DST: variants seen among roughly 807,000 people sequenced by gnomAD.
DST encodes dystonin, also known as bullous pemphigoid antigen.
DST carries 253 observed loss-of-function variants against 875.2 expected under a neutral mutation model. The observed-to-expected ratio is 0.29, with a 90% CI of 0.26 to 0.32. The LOEUF (loss-of-function observed/expected upper bound fraction) is 0.32. Among genes scored for constraint, DST ranks in the 10% least tolerant of loss-of-function variants. The probability of loss-of-function intolerance (pLI) is 1.00; values close to 1 mark genes in which losing one functional copy is unlikely to be tolerated. For missense variants in DST, 8,287 were observed against 9,111.6 expected (o/e 0.91, Z 3.68); for synonymous variants, 3,124 against 3,197.1 (o/e 0.98, Z 0.77).
intron 90 of DST, 150 bp downstream of exon 90, chr6:56,481,900 G>A (rs1582693661): frequency 4.9e-6 from 4 of 820,940 alleles, no homozygotes; most frequent in Non-Finnish European, 1.9e-6. Flanking sequence ...TGTAAGCAAT[G>A]TGGACAGAAG....
intron 1 of DST, 45 bp from the exon 2 acceptor site, chr6:56,953,864 C>T: frequency 7.8e-7 from 1 of 1,280,022 alleles, no homozygotes; most frequent in South Asian, 1.3e-5. Context: ...ACTCCTTGTT[C>T]TTCACCTACC....
intron 2 of DST, among the ~76,000 whole-genome samples, chr6:56,946,699 TTAAGGAGCTATTACTTGA>T (rs1819657749): frequency 6.6e-6 from 1 of 152,124 alleles, no homozygotes; most frequent in Admixed American, 6.6e-5. Context: ...TGCAATAAGT[TTAAGGAGCTATTACTTGA>T]TACATTAATT....
At position 56,572,964 on chromosome 6, in the gene DST, G is replaced by T. The variant is rs1354355929; in HGVS notation, c.13337C>A (p.Ser4446Ter). Residue 4446 changes from serine (S) to a stop codon, truncating the protein, a stop_gained, in exon 52 of 104, where the codon TCA (serine) becomes TAA (stop). Transcript: ENST00000680361. LOFTEE classifies it high-confidence loss of function. ...METTDPSTASSLQAKMKDLSA... is the reference protein window; with the variant it reads ...METTDPSTAS ...CAAGTCTTTCATTTTGGCTTGCAGTGAGGATGCAGTGGATGGATCTGTTGT... is the reference window on the plus strand; with the variant it reads ...CAAGTCTTTCATTTTGGCTTGCAGTTAGGATGCAGTGGATGGATCTGTTGT... 6.2e-7 allele frequency: 1 copy of T among 1,612,336 alleles called. No individual in the cohort carries two copies. The highest frequency in any genetic ancestry group is 8.5e-7 in the Non-Finnish European group (1 of 1,179,222).
chr6:56,707,504 C>T (rs545266173), intron 5 of DST, among the ~76,000 whole-genome samples: 1 of 152,288 alleles, frequency 6.6e-6, no homozygotes, highest in South Asian at 2.1e-4. Context: ...ATCCTCAGTA[C>T]ACAGAAGGAC....
chr6:56,537,063 T>A, intron 61 of DST, 123 bp from the exon 62 acceptor site: 2 of 817,520 alleles, frequency 2.4e-6, no homozygotes, highest in South Asian at 4.2e-5. Context: ...TAAAGATAAT[T>A]TTTATTGTCT....
chr6:56,497,870 C>T lies in DST; in HGVS notation c.20080G>A (p.Gly6694Ser), dbSNP rs745406625. The T allele has an allele frequency of 6.2e-7, 1 of 1,609,304 alleles. No individual in the cohort carries two copies. The highest frequency in any genetic ancestry group is 1.1e-5 in the South Asian group (1 of 90,252). The change falls in exon 81 of 104, where the codon GGT (glycine) becomes AGT (serine). Residue 6694 changes from glycine (G) to serine (S), a missense_variant. Gly to Ser is a moderately conservative substitution (Grantham distance 56). Around this residue, in one of 10 missense-constraint regions of DST, gnomAD observed 1,292 missense variants for 1,552.7 expected, o/e 0.83. Transcript: ENST00000680361. ...CTCTTACTCACCTGGCGCAAGGCAC[C>T]ATCCAGCTGCTGCTTCCTTTGTTCT... ...KTEQRKQQLD[G>S]ALRQAKGFHG...
At chr6:56,775,966 T>C (rs1380327321) in intron 4 of DST, among the ~76,000 whole-genome samples, 1 of 152,236 alleles carries the variant, frequency 6.6e-6, no homozygotes, top group African/African-American at 2.4e-5. Context: ...GCACTTACAG[T>C]GCTTTGCTTC....
intron 75 of DST, among the ~76,000 whole-genome samples, chr6:56,507,008 T>C (rs978705932): frequency 6.6e-6 from 1 of 152,188 alleles, no homozygotes; most frequent in African/African-American, 2.4e-5. Context: ...TATAAAGATA[T>C]TTAAGAAATG....
rs114343429 is a variant in DST at position 56,625,564 on chromosome 6, G to A, written c.4723-300C>T. ...TGTCGTGGCACAATGCATTACTCAC[G>A]TTTGTGGTGATGCTGGTGTAAACAA... On this transcript the variant is annotated intron_variant, in intron 34 of 103. Transcript: ENST00000680361. 8.2e-3 allele frequency among the ~76,000 whole-genome samples: 1,243 copies of A among 152,088 alleles called. 19 individuals carry two copies. Among genetic ancestry groups the A allele is most frequent in the African/African-American group, 0.028 (1,168 of 41,496 alleles).
chr6:56,536,767 T>C lies in DST; in HGVS notation c.16770+12A>G. 2 of 1,513,416 alleles carry C rather than the reference T, an allele frequency of 1.3e-6. No homozygotes were observed. Among genetic ancestry groups the C allele is most frequent in the Non-Finnish European group, 1.8e-6 (2 of 1,126,652 alleles). The allele number at this position is 1,513,416 out of a possible 1,614,324, so 93.7% of individuals were successfully genotyped here. ...ATCAGCAAAATAGCAATGAAGGGGG[T>C]GAGAAAATTACCTTCTTATTGAGAG... On this transcript the variant is annotated intron_variant, in intron 62 of 103. Transcript: ENST00000680361.
intron 9 of DST, among the ~76,000 whole-genome samples, chr6:56,677,902 A>G (rs2099138466): frequency 6.6e-6 from 1 of 152,150 alleles, no homozygotes; most frequent in South Asian, 2.1e-4. Context: ...TCATGTCTTC[A>G]ATACCTTAAA....
At chr6:56,852,372 T>C (rs1273796514) in intron 3 of DST, among the ~76,000 whole-genome samples, 1 of 152,234 alleles carries the variant, frequency 6.6e-6, no homozygotes, top group Non-Finnish European at 1.5e-5. Flanking sequence ...TAAATGAGAA[T>C]GATGCTGCGC....
intron 9 of DST, among the ~76,000 whole-genome samples, chr6:56,675,041 G>A (rs745841209): frequency 1.3e-5 from 2 of 152,172 alleles, no homozygotes; most frequent in African/African-American, 2.4e-5. Flanking sequence ...AATAAAAACA[G>A]CATGGTACTG....
chr6:56,843,854 G>A (rs2099803979), intron 4 of DST: 1 of 237,546 alleles, frequency 4.2e-6, no homozygotes. Flanking sequence ...CTCCCAGGCA[G>A]AGCCACGCGC....
intron 2 of DST, among the ~76,000 whole-genome samples, chr6:56,952,226 A>G (rs1822724238): frequency 6.6e-6 from 1 of 152,200 alleles, no homozygotes; most frequent in South Asian, 2.1e-4. Context: ...AAAAATATTC[A>G]ACTGAGAGAT....
At chr6:56,471,797 TTAAGGAATCAGCTTCTGATTGTTA>T in intron 94 of DST, 1 of 501,872 alleles carries the variant, frequency 2.0e-6, no homozygotes, top group South Asian at 2.2e-5. Context: ...GATTTTATTC[TTAAGGAATCAGCTTCTGATTGTTA>T]AAACATAATC....
chr6:56,847,022 A>T (rs1314341676), intron 4 of DST, among the ~76,000 whole-genome samples: 1 of 151,032 alleles, frequency 6.6e-6, no homozygotes, highest in African/African-American at 2.4e-5. Flanking sequence ...AAAAAAAAAA[A>T]AAAAGTGAAG....
At chr6:56,694,883 T>G (rs1343522086) in intron 9 of DST, among the ~76,000 whole-genome samples, 1 of 152,080 alleles carries the variant, frequency 6.6e-6, no homozygotes, top group Admixed American at 6.5e-5. Context: ...TCCCAGCACT[T>G]TGGGAGGCCG....
intron 5 of DST, among the ~76,000 whole-genome samples, chr6:56,721,102 G>C (rs958007351): frequency 2.0e-5 from 3 of 151,590 alleles, no homozygotes; most frequent in African/African-American, 7.3e-5. Flanking sequence ...TGCCGGGCGG[G>C]GGCGCCCCCC....
Sources: gnomAD v4.1 joint callset for allele counts (sites outside exome capture counted in the v4.1 genomes callset) on GRCh38, gnomAD v4.1.1 for gene constraint, gnomAD v4.1.1 regional missense constraint, MANE v1.5 for transcripts, NCBI Gene and HGNC (gene_info 2026-07-23, HGNC 2026-07-21) for gene names.